The following RGPD8 variants were observed in gnomAD, a reference collection of about 807,000 sequenced individuals.
The protein encoded by RGPD8 is RANBP2 like and GRIP domain containing 8, also known as RANBP2-like and GRIP domain-containing protein 8.
A neutral mutation model predicts 89.1 loss-of-function variants in RGPD8; 15 were observed. That is an observed-to-expected ratio of 0.17 (90% confidence interval 0.11 to 0.26). RGPD8 has a LOEUF of 0.26. RGPD8 is among the 10% of genes least tolerant of loss of function. RGPD8 has a pLI of 1.00. For synonymous variants in RGPD8, 62 were observed against 420.9 expected, an observed-to-expected ratio of 0.15 and a Z score of 10.44; for missense variants, 178 against 1,179.6, an observed-to-expected ratio of 0.15 and a Z score of 12.44.
chr2:112,423,884 T>C (rs62157479), intron 2 of RGPD8, among the ~76,000 whole-genome samples: 864 of 105,066 alleles, frequency 8.2e-3, no homozygotes, highest in East Asian at 0.025. Context: ...AGTTTAGTTT[T>C]TTATTCATTG....
chr2:112,413,050 C>G (rs1319164550), intron 6 of RGPD8, among the ~76,000 whole-genome samples: 1 of 111,430 alleles, frequency 9.0e-6, no homozygotes, highest in Non-Finnish European at 1.7e-5. Flanking sequence ...AAATAACTGA[C>G]AGGTATTTGA....
At chr2:112,373,349 A>C (rs1678015827) in intron 22 of RGPD8, among the ~76,000 whole-genome samples, 5 of 152,414 alleles carry the variant, frequency 3.3e-5, no homozygotes, top group African/African-American at 1.2e-4. Context: ...GCAGCTCATG[A>C]CATCTGCTTG....
intron 19 of RGPD8, among the ~76,000 whole-genome samples, chr2:112,390,490 C>G (rs1678655879): frequency 6.9e-6 from 1 of 144,036 alleles, no homozygotes; most frequent in Non-Finnish European, 1.5e-5. Context: ...TTATTATCCT[C>G]ATTTTACATA....
At position 112,390,774 on chromosome 2, in the gene RGPD8, T is replaced by G. The variant is rs1490817376; in HGVS notation, c.2697+201A>C. ...CACCACCACTCCCATTTTTAAAATA[T>G]TCTAAATATTCACACTTATTAACAC... On this transcript the variant is annotated intron_variant, in intron 19 of 22. Coordinates refer to ENST00000302558, the MANE Select transcript of RGPD8 (RefSeq NM_001164463.1). Among the ~76,000 whole-genome samples the G allele has an allele frequency of 4.9e-5, 7 of 144,002 alleles. 1 individual carries two copies. Among genetic ancestry groups the G allele is most frequent in the African/African-American group, 1.8e-4 (7 of 39,502 alleles). 94.5% of individuals were successfully genotyped at this position (144,002 alleles called of 152,430 possible).
chr2:112,381,953 G>C (rs1241389317), intron 20 of RGPD8, among the ~76,000 whole-genome samples: 1 of 152,308 alleles, frequency 6.6e-6, no homozygotes, highest in Non-Finnish European at 1.5e-5. Flanking sequence ...AGTGTTGTCT[G>C]TGAGGGTGTT....
intron 22 of RGPD8, among the ~76,000 whole-genome samples, chr2:112,373,582 TAG>T (rs1410660650): frequency 6.6e-6 from 1 of 151,942 alleles, no homozygotes; most frequent in East Asian, 1.9e-4. Context: ...TGTATATATG[TAG>T]AGTTTCAAGA....
At chr2:112,379,369 G>A (rs1239293583) in intron 21 of RGPD8, among the ~76,000 whole-genome samples, 2 of 151,166 alleles carry the variant, frequency 1.3e-5, no homozygotes, top group African/African-American at 4.8e-5. Flanking sequence ...GGCTGAGGCA[G>A]GCAGATCACG....
chr2:112,408,679 T>C (rs1171378319), intron 7 of RGPD8, among the ~76,000 whole-genome samples: 1 of 152,224 alleles, frequency 6.6e-6, no homozygotes, highest in African/African-American at 2.4e-5. Context: ...TTTCCTTTTT[T>C]TTTTTTTTGA....
intron 7 of RGPD8, among the ~76,000 whole-genome samples, chr2:112,410,557 C>T (rs1423247470): frequency 1.3e-5 from 2 of 151,976 alleles, no homozygotes; most frequent in East Asian, 1.9e-4. Context: ...TTGGGTGGAT[C>T]ACGAGGTCAG....
intron 1 of RGPD8, among the ~76,000 whole-genome samples, chr2:112,425,102 G>T (rs1467339384): frequency 6.6e-6 from 1 of 151,938 alleles, no homozygotes; most frequent in African/African-American, 2.4e-5. Context: ...ATAAATTCAA[G>T]AAAGCAAGAC....
chr2:112,410,848 G>A (rs552141679), intron 7 of RGPD8, among the ~76,000 whole-genome samples: 1 of 152,414 alleles, frequency 6.6e-6, no homozygotes, highest in South Asian at 2.1e-4. Flanking sequence ...CACTTTGAGA[G>A]GCCGAGACGC....
chr2:112,372,060 A>T (rs1157355515), intron 22 of RGPD8, among the ~76,000 whole-genome samples: 1 of 40,402 alleles, frequency 2.5e-5, no homozygotes, highest in Non-Finnish European at 4.4e-5. Flanking sequence ...ACAGGGCTGC[A>T]ATCAAGATGT....
chr2:112,413,670 A>C (rs1269440505), intron 6 of RGPD8, among the ~76,000 whole-genome samples: 1 of 136,626 alleles, frequency 7.3e-6, no homozygotes, highest in Non-Finnish European at 1.6e-5. Context: ...TATATATTAC[A>C]TACTCATTTT....
At chr2:112,432,101 G>C (rs1445874815) in intron 1 of RGPD8, among the ~76,000 whole-genome samples, 1 of 152,146 alleles carries the variant, frequency 6.6e-6, no homozygotes. Flanking sequence ...CAAATACCCA[G>C]CTTATAAACG....
intron 21 of RGPD8, among the ~76,000 whole-genome samples, 174 bp downstream of exon 21, chr2:112,380,650 C>CAAAAAAA (rs369818204): frequency 5.7e-4 from 62 of 109,320 alleles, no homozygotes; most frequent in African/African-American, 1.8e-3. Flanking sequence ...AAGACTGTCT[C>CAAAAAAA]AAAAAAAAAA....
At chr2:112,373,582 T>TACTAC (rs1453349666) in intron 22 of RGPD8, among the ~76,000 whole-genome samples, 2 of 151,942 alleles carry the variant, frequency 1.3e-5, no homozygotes, top group Non-Finnish European at 2.9e-5. Context: ...TGTATATATG[T>TACTAC]AGAGTTTCAA....
At chr2:112,423,843 T>G (rs1278686532) in intron 2 of RGPD8, among the ~76,000 whole-genome samples, 1 of 152,270 alleles carries the variant, frequency 6.6e-6, no homozygotes, top group Non-Finnish European at 1.5e-5. Context: ...AAAGATCTTT[T>G]ATACAAGCTA....
chr2:112,429,415 CAAAAAAAAAA>C (rs71412832), intron 1 of RGPD8, among the ~76,000 whole-genome samples: 3 of 45,752 alleles, frequency 6.6e-5, no homozygotes, highest in Non-Finnish European at 1.2e-4. Context: ...GACTCCGTCT[CAAAAAAAAAA>C]AAAAAAAAAA....
chr2:112,432,874 G>C (rs1472934829), intron 1 of RGPD8, among the ~76,000 whole-genome samples: 1 of 152,348 alleles, frequency 6.6e-6, no homozygotes, highest in African/African-American at 2.4e-5. Flanking sequence ...ACAGGACTGC[G>C]CTAGCCGGCC....
Sources: allele counts gnomAD v4.1 joint callset (sites outside exome capture counted in the v4.1 genomes callset), GRCh38; gene constraint gnomAD v4.1.1; transcripts MANE v1.5; gene names NCBI Gene and HGNC (gene_info 2026-07-23, HGNC 2026-07-21).